GMPR: variants seen among roughly 807,000 people sequenced by gnomAD.
The protein encoded by GMPR is guanosine monophosphate reductase.
Under a neutral mutation model 38.4 loss-of-function variants are expected in GMPR, and 31 were observed. That is an observed-to-expected ratio of 0.81 (90% CI 0.61 to 1.09). The LOEUF is 1.09. Ranked by LOEUF, GMPR falls within the 50% of genes least tolerant of loss-of-function variation. The pLI is 0.00. For synonymous variants in GMPR, 162 were observed against 173.3 expected, an observed-to-expected ratio of 0.93 and a Z score of 0.51; for missense variants, 468 against 453.7, an observed-to-expected ratio of 1.03 and a Z score of -0.29.
At chr6:16,261,865 A>G (rs537228517) in intron 4 of GMPR, among the ~76,000 whole-genome samples, 48 of 151,976 alleles carry the variant, frequency 3.2e-4, no homozygotes, top group African/African-American at 1.1e-3. Flanking sequence ...AGAGGAGGAC[A>G]CAAAGGAGGC....
At chr6:16,248,806 C>T (rs1758808721) in intron 2 of GMPR, among the ~76,000 whole-genome samples, 1 of 152,140 alleles carries the variant, frequency 6.6e-6, no homozygotes, top group South Asian at 2.1e-4. Flanking sequence ...TGAGGGGAAC[C>T]AGGGAGCAGT....
intron 6 of GMPR, among the ~76,000 whole-genome samples, chr6:16,283,001 G>T (rs1311990072): frequency 6.6e-6 from 1 of 151,944 alleles, no homozygotes; most frequent in African/African-American, 2.4e-5. Flanking sequence ...TAGAGACAGG[G>T]TTTCACCATG....
intron 7 of GMPR, among the ~76,000 whole-genome samples, chr6:16,287,014 C>G (rs1252670736): frequency 6.6e-6 from 1 of 152,096 alleles, no homozygotes; most frequent in South Asian, 2.1e-4. Context: ...CATAGCAACC[C>G]AAAGATGTCA....
intron 4 of GMPR, chr6:16,262,031 G>T (rs1208402104): frequency 1.3e-5 from 2 of 151,854 alleles, no homozygotes; most frequent in Non-Finnish European, 1.5e-5. Flanking sequence ...GTCTAAGTGG[G>T]CACTAGAGTT....
rs80308950 is a variant in GMPR, at chr6:16,243,570, G to A, written c.88-3272G>A. 5.4e-3 allele frequency among the ~76,000 whole-genome samples: 826 copies of A among 152,302 alleles called. 2 individuals are homozygous for A. Among genetic ancestry groups the A allele is most frequent in the Non-Finnish European group, 8.0e-3 (545 of 68,026 alleles). ...GACTACAAAGTTGGAAGACGTCCCT[G>A]TACTCAGACAGGTGTTACAGCTAAT... On this transcript the variant is annotated intron_variant, in intron 1 of 8. Transcript: ENST00000259727.
chr6:16,282,084 C>T (rs1759583881), intron 6 of GMPR, among the ~76,000 whole-genome samples: 2 of 152,220 alleles, frequency 1.3e-5, no homozygotes, highest in South Asian at 4.1e-4. Context: ...GGTCCAATTT[C>T]CTTCCAGCTG....
intron 1 of GMPR, among the ~76,000 whole-genome samples, chr6:16,239,652 C>T (rs1225370392): frequency 6.6e-6 from 1 of 152,218 alleles, no homozygotes; most frequent in East Asian, 1.9e-4. Context: ...GGAGTAAACA[C>T]GAGGAGGCTG....
intron 3 of GMPR, 49 bp from the exon 4 acceptor site, chr6:16,254,513 G>A (rs369711815): frequency 6.5e-7 from 1 of 1,537,278 alleles, no homozygotes; most frequent in Non-Finnish European, 9.0e-7. Context: ...AGGGTCTGAT[G>A]TCTGAATGCT....
At chr6:16,248,213 G>A (rs1323319558) in intron 2 of GMPR, among the ~76,000 whole-genome samples, 1 of 96,690 alleles carries the variant, frequency 1.0e-5, no homozygotes, top group Non-Finnish European at 1.8e-5. Flanking sequence ...CTGGGTGACA[G>A]AGCAAGAAGA....
intron 4 of GMPR, among the ~76,000 whole-genome samples, chr6:16,266,182 GCCATCTTTAAGAGCTGTAACACTC>G (rs1759215229): frequency 3.2e-5 from 3 of 94,172 alleles, no homozygotes; most frequent in Non-Finnish European, 5.9e-5. Context: ...TGTAACACTT[GCCATCTTTAAGAGCTGTAACACTC>G]GCTGCGAAGA....
intron 2 of GMPR, among the ~76,000 whole-genome samples, chr6:16,247,764 T>TG (rs1758788933): frequency 6.8e-6 from 1 of 148,032 alleles, no homozygotes; most frequent in South Asian, 2.2e-4. Context: ...GTAGGTCACT[T>TG]GCCCTAGGCC....
intron 8 of GMPR, among the ~76,000 whole-genome samples, chr6:16,291,275 G>T (rs1266350312): frequency 6.6e-6 from 1 of 152,046 alleles, no homozygotes; most frequent in Admixed American, 6.5e-5. Flanking sequence ...CCAGGCTGGA[G>T]TGCAGTGGTG....
In GMPR at chr6:16,238,700, C is replaced by G. The variant is rs753381835; in HGVS notation, c.7C>G (p.Arg3Gly). The G allele has an allele frequency of 2.3e-5, 33 of 1,417,074 alleles. No homozygotes were observed. In the Admixed American group the frequency reaches 2.7e-4, roughly 11 times the overall value. 87.8% of individuals were successfully genotyped at this position (1,417,074 alleles called of 1,614,324 possible). A position where few individuals can be genotyped will look rare whatever the true frequency, so the allele number is the denominator to read the frequency against. The change falls in exon 1 of 9, where the codon CGC becomes GGC. Residue 3 changes from arginine to glycine, a missense_variant. Arg to Gly is a moderately radical substitution (Grantham distance 125, BLOSUM62 -2). Coordinates refer to ENST00000259727, the MANE Select transcript of GMPR (RefSeq NM_006877.4). MP[R>G]IDADLKLDFK... Reference sequence around the variant, plus strand: ...AGCCAGGAGCCGCTGCACCATGCCCCGCATAGATGCGGACCTCAAGCTCGA... The same window carrying G: ...AGCCAGGAGCCGCTGCACCATGCCCGGCATAGATGCGGACCTCAAGCTCGA...
intron 7 of GMPR, among the ~76,000 whole-genome samples, chr6:16,287,812 C>T (rs926711717): frequency 2.0e-5 from 3 of 152,172 alleles, no homozygotes; most frequent in Non-Finnish European, 4.4e-5. Context: ...TTGCGTTGTG[C>T]TTTGCTTCCC....
At chr6:16,265,830 GT>G in intron 4 of GMPR, among the ~76,000 whole-genome samples, 1 of 151,430 alleles carries the variant, frequency 6.6e-6, no homozygotes, top group Non-Finnish European at 1.5e-5. Context: ...CGCCATGGAG[GT>G]TTTCTTCGTT....
At chr6:16,263,861 CACAGAGATATAAGAGGTTGGGGT>C (rs1759137665) in intron 4 of GMPR, among the ~76,000 whole-genome samples, 1 of 151,192 alleles carries the variant, frequency 6.6e-6, no homozygotes, top group African/African-American at 2.4e-5. Context: ...GGGATTGGGG[CACAGAGATATAAGAGGTTGGGGT>C]ACATGCCCCT....
intron 4 of GMPR, among the ~76,000 whole-genome samples, chr6:16,269,133 T>TTA (rs1252132586): frequency 6.6e-6 from 1 of 152,094 alleles, no homozygotes; most frequent in Non-Finnish European, 1.5e-5. Flanking sequence ...GAAAGTACTT[T>TTA]TAAATGGAGG....
At chr6:16,241,939 G>A (rs1368596334) in intron 1 of GMPR, among the ~76,000 whole-genome samples, 2 of 151,874 alleles carry the variant, frequency 1.3e-5, no homozygotes, top group African/African-American at 2.4e-5. Flanking sequence ...GGGTTTCACC[G>A]TGTTGGCCAG....
intron 4 of GMPR, among the ~76,000 whole-genome samples, chr6:16,271,054 T>C (rs182106870): frequency 6.6e-6 from 1 of 152,266 alleles, no homozygotes; most frequent in East Asian, 1.9e-4. Context: ...TAACTAGAAC[T>C]TACTTTGACT....
Sources: allele counts gnomAD v4.1 joint callset (sites outside exome capture counted in the v4.1 genomes callset), GRCh38; gene constraint gnomAD v4.1.1; transcripts MANE v1.5; gene names NCBI Gene and HGNC (gene_info 2026-07-23, HGNC 2026-07-21).